Variants in ANXA10 observed in about 807,000 individuals in gnomAD.
ANXA10 encodes the protein annexin A10, also known as annexin 14.
In ANXA10, 49 loss-of-function variants were observed where a neutral mutation model predicts 53.5. The observed-to-expected ratio is 0.92, with a 90% CI of 0.73 to 1.16. ANXA10 has a LOEUF of 1.16. Among genes scored for constraint, ANXA10 ranks in the 50% most tolerant of loss-of-function variants. ANXA10 has a pLI of 0.00. For missense variants in ANXA10, 393 were observed against 394.4 expected, an observed-to-expected ratio of 1.00 and a Z score of 0.03; for synonymous variants, 131 against 128.9, an observed-to-expected ratio of 1.02 and a Z score of -0.11.
At chr4:168,174,411 C>A (rs1011689414) in intron 6 of ANXA10, among the ~76,000 whole-genome samples, 2 of 152,194 alleles carry the variant, frequency 1.3e-5, no homozygotes, top group Non-Finnish European at 2.9e-5. Context: ...GAGCCCGCAC[C>A]TATGCCAGCA....
At chr4:168,115,650 A>G (rs959966229) in intron 1 of ANXA10, among the ~76,000 whole-genome samples, 5 of 152,186 alleles carry the variant, frequency 3.3e-5, no homozygotes, top group Non-Finnish European at 5.9e-5. Flanking sequence ...CATAAGTGAA[A>G]AAAAAGTCTT....
chr4:168,121,715 A>G (rs1429133724), intron 1 of ANXA10, among the ~76,000 whole-genome samples: 4 of 152,212 alleles, frequency 2.6e-5, no homozygotes, highest in South Asian at 4.1e-4. Context: ...TATAGTATAC[A>G]CCAAAAATAC....
chr4:168,180,512 A>AT (rs1329479777), intron 9 of ANXA10, among the ~76,000 whole-genome samples: 12 of 152,210 alleles, frequency 7.9e-5, no homozygotes, highest in Admixed American at 7.9e-4. Flanking sequence ...CTCAGCAGAC[A>AT]TTTATTCAGC....
intron 2 of ANXA10, among the ~76,000 whole-genome samples, chr4:168,132,252 G>A (rs1026538677): frequency 6.6e-6 from 1 of 152,000 alleles, no homozygotes; most frequent in Admixed American, 6.6e-5. Flanking sequence ...AATGGATAAG[G>A]AAAATATAAT....
At chr4:168,173,408 G>C (rs1337181546) in intron 6 of ANXA10, among the ~76,000 whole-genome samples, 1 of 152,202 alleles carries the variant, frequency 6.6e-6, no homozygotes, top group African/African-American at 2.4e-5. Flanking sequence ...TGAAATGGAT[G>C]AGAGGTAAGT....
intron 1 of ANXA10, among the ~76,000 whole-genome samples, chr4:168,110,130 G>A (rs189574213): frequency 3.3e-5 from 5 of 152,296 alleles, no homozygotes; most frequent in Admixed American, 6.5e-5. Flanking sequence ...AGAATGGCAT[G>A]AACCCGGAAG....
At chr4:168,133,012 A>T (rs1169248774) in intron 2 of ANXA10, among the ~76,000 whole-genome samples, 1 of 152,086 alleles carries the variant, frequency 6.6e-6, no homozygotes, top group Non-Finnish European at 1.5e-5. Flanking sequence ...TAGAATGCAT[A>T]TTGCTGGTTG....
intron 11 of ANXA10, among the ~76,000 whole-genome samples, chr4:168,186,527 C>T (rs1157835311): frequency 6.6e-6 from 1 of 152,172 alleles, no homozygotes; most frequent in Non-Finnish European, 1.5e-5. Flanking sequence ...ACCTTTGTCC[C>T]TTCTGCCATG....
intron 2 of ANXA10, among the ~76,000 whole-genome samples, chr4:168,138,131 T>G (rs2149471811): frequency 6.6e-6 from 1 of 152,030 alleles, no homozygotes; most frequent in African/African-American, 2.4e-5. Context: ...CCGGCTAATT[T>G]TTTGTACTTT....
At chr4:168,165,192 A>T in intron 5 of ANXA10, 55 bp from the exon 6 acceptor site, 1 of 1,187,550 alleles carries the variant, frequency 8.4e-7, no homozygotes, top group Non-Finnish European at 1.2e-6. Flanking sequence ...TACTCAAAAC[A>T]CACTGATACA....
chr4:168,120,036 A>G (rs950499686), intron 1 of ANXA10, among the ~76,000 whole-genome samples: 1 of 152,198 alleles, frequency 6.6e-6, no homozygotes, highest in South Asian at 2.1e-4. Context: ...GGATAGCTTT[A>G]AGGATGAAAT....
intron 3 of ANXA10, among the ~76,000 whole-genome samples, chr4:168,156,203 ATAT>A (rs1224578962): frequency 4.2e-5 from 1 of 23,884 alleles, no homozygotes; most frequent in African/African-American, 2.2e-4. Flanking sequence ...TATATAATAT[ATAT>A]TATATTATAT....
At chr4:168,120,685 A>G (rs917545766) in intron 1 of ANXA10, among the ~76,000 whole-genome samples, 1 of 152,074 alleles carries the variant, frequency 6.6e-6, no homozygotes, top group African/African-American at 2.4e-5. Context: ...TCTTTTACAT[A>G]ATGTTTGTAT....
At chr4:168,111,345 T>A (rs1730803665) in intron 1 of ANXA10, among the ~76,000 whole-genome samples, 1 of 152,318 alleles carries the variant, frequency 6.6e-6, no homozygotes, top group East Asian at 1.9e-4. Context: ...ATATGTTTTA[T>A]CCTTTCTAGA....
At chr4:168,155,401 ATAT>A (rs1282390653) in intron 3 of ANXA10, among the ~76,000 whole-genome samples, 12 of 101,620 alleles carry the variant, frequency 1.2e-4, no homozygotes, top group South Asian at 5.1e-4. Flanking sequence ...TATATATTAT[ATAT>A]TATATTATAC....
intron 6 of ANXA10, among the ~76,000 whole-genome samples, chr4:168,173,313 T>C (rs1322008165): frequency 2.0e-5 from 3 of 152,118 alleles, no homozygotes; most frequent in Non-Finnish European, 4.4e-5. Flanking sequence ...TGTACTATAA[T>C]AGTAAATGAA....
chr4:168,119,272 AC>A (rs1730947953), intron 1 of ANXA10, among the ~76,000 whole-genome samples: 1 of 152,204 alleles, frequency 6.6e-6, no homozygotes, highest in African/African-American at 2.4e-5. Flanking sequence ...CATAGAGATA[AC>A]CTCGTTAAGA....
chr4:168,094,460 T>C (rs1021555544), intron 1 of ANXA10, among the ~76,000 whole-genome samples: 1 of 152,178 alleles, frequency 6.6e-6, no homozygotes, highest in African/African-American at 2.4e-5. Flanking sequence ...GGTCAGAATT[T>C]AGTGCTAAAA....
At chr4:168,175,160 G>A (rs867699193) in intron 6 of ANXA10, among the ~76,000 whole-genome samples, 5 of 152,114 alleles carry the variant, frequency 3.3e-5, no homozygotes, top group African/African-American at 9.7e-5. Flanking sequence ...CCAATAAAAT[G>A]AAATAGATTG....
Sources: allele counts gnomAD v4.1 joint callset (sites outside exome capture counted in the v4.1 genomes callset), GRCh38; gene constraint gnomAD v4.1.1; transcripts MANE v1.5; gene names NCBI Gene and HGNC (gene_info 2026-07-23, HGNC 2026-07-21).